Variants in MOXD1 observed in about 807,000 individuals in gnomAD.
MOXD1 encodes DBH-like monooxygenase protein 1.
Under a neutral mutation model 66.6 loss-of-function variants are expected in MOXD1, and 62 were observed. The observed-to-expected ratio is 0.93, with a 90% confidence interval of 0.76 to 1.15. The LOEUF (loss-of-function observed/expected upper bound fraction) is 1.15, where lower values mean the gene tolerates loss of function less well. MOXD1 is among the 50% of genes most tolerant of loss of function. MOXD1 has a pLI of 0.00. For synonymous variants in MOXD1, 303 were observed against 281.9 expected, an observed-to-expected ratio of 1.07 and a Z score of -0.75; for missense variants, 847 against 754.6, an observed-to-expected ratio of 1.12 and a Z score of -1.44.
chr6:132,324,582 A>T (rs1397928969), intron 6 of MOXD1, among the ~76,000 whole-genome samples: 1 of 152,238 alleles, frequency 6.6e-6, no homozygotes, highest in Non-Finnish European at 1.5e-5. Context: ...TTATTTCTTT[A>T]AAGTTTGTCA....
At position 132,352,735 on chromosome 6, in the gene MOXD1, A is replaced by T. The variant is rs141119840; in HGVS notation, c.663+19873T>A. ...TCTAGTGCTGTCAGTGGAGTATTGA[A>T]GTCCCTCATTATTATTGTGTTGCTG... is the stretch of plus-strand genomic sequence containing the variant. On this transcript the variant is annotated intron_variant, in intron 4 of 11. Transcript: ENST00000367963. Among the ~76,000 whole-genome samples, 1,180 of 152,224 alleles carry T rather than the reference A, an allele frequency of 7.8e-3. 16 individuals are homozygous for T. The highest frequency in any genetic ancestry group is 0.027 in the African/African-American group (1,129 of 41,534).
At chr6:132,349,517 A>C (rs1775760596) in intron 4 of MOXD1, among the ~76,000 whole-genome samples, 3 of 141,506 alleles carry the variant, frequency 2.1e-5, no homozygotes, top group Non-Finnish European at 3.0e-5. Flanking sequence ...TTATCCACTC[A>C]TTGATTGATG....
chr6:132,372,461 C>G, intron 4 of MOXD1, 147 bp downstream of exon 4: 1 of 677,846 alleles, frequency 1.5e-6, no homozygotes, highest in Non-Finnish European at 2.4e-6. Context: ...AAAAAGTATG[C>G]AGGTCAGCCA....
At chr6:132,365,562 C>G (rs1776104084) in intron 4 of MOXD1, among the ~76,000 whole-genome samples, 1 of 152,122 alleles carries the variant, frequency 6.6e-6, no homozygotes, top group African/African-American at 2.4e-5. Context: ...GAGGACCAGG[C>G]AAGGTTAAGT....
chr6:132,347,813 G>A (rs1041083880), intron 4 of MOXD1, among the ~76,000 whole-genome samples: 42 of 152,130 alleles, frequency 2.8e-4, no homozygotes, highest in African/African-American at 9.4e-4. Flanking sequence ...AAGAAATACA[G>A]TCTTTTATAA....
chr6:132,399,037 T>G (rs548905197), intron 1 of MOXD1, among the ~76,000 whole-genome samples: 1 of 152,066 alleles, frequency 6.6e-6, no homozygotes, highest in South Asian at 2.1e-4. Context: ...ATAAATAGTT[T>G]CTAGAGAGGA....
At chr6:132,378,595 A>G (rs889725640) in intron 1 of MOXD1, among the ~76,000 whole-genome samples, 3 of 152,246 alleles carry the variant, frequency 2.0e-5, no homozygotes, top group Admixed American at 2.0e-4. Context: ...TAGATCCTAC[A>G]GACACTAAAA....
Position 132,324,062 on chromosome 6 carries a change from T to C in MOXD1, c.982A>G (p.Thr328Ala), listed in dbSNP as rs775893523. ...GCATCATATTTCCTTATATCCATTG[T>C]GTAAAATAACCTCAGTCCAGAATTA... ...IDNSGLRLFY[T>A]MDIRKYDAGV... Residue 328 changes from threonine (T) to alanine (A), a missense_variant, in exon 7 of 12, where the codon ACA becomes GCA. Coordinates refer to ENST00000367963, the MANE Select transcript of MOXD1 (RefSeq NM_015529.4). 10 of 1,613,884 alleles carry C rather than the reference T, an allele frequency of 6.2e-6. No individual in the cohort carries two copies. The highest frequency in any genetic ancestry group is 8.5e-6 in the Non-Finnish European group (10 of 1,179,864).
chr6:132,396,370 G>A (rs1223471716), intron 1 of MOXD1, among the ~76,000 whole-genome samples: 1 of 151,806 alleles, frequency 6.6e-6, no homozygotes, highest in East Asian at 1.9e-4. Flanking sequence ...AACCTATAGG[G>A]TACAGTAAAA....
At chr6:132,311,061 A>G (rs1265466494) in intron 10 of MOXD1, among the ~76,000 whole-genome samples, 1 of 152,190 alleles carries the variant, frequency 6.6e-6, no homozygotes, top group Non-Finnish European at 1.5e-5. Flanking sequence ...TATTCAATTG[A>G]ACTTATGAAT....
At chr6:132,301,126 T>C (rs1774526007) in intron 10 of MOXD1, among the ~76,000 whole-genome samples, 1 of 151,718 alleles carries the variant, frequency 6.6e-6, no homozygotes, top group Admixed American at 6.6e-5. Context: ...GTTACAGAAA[T>C]AAAAAGTTAC....
At chr6:132,317,507 G>C (rs954892498) in intron 9 of MOXD1, among the ~76,000 whole-genome samples, 1 of 152,090 alleles carries the variant, frequency 6.6e-6, no homozygotes, top group African/African-American at 2.4e-5. Context: ...CTACTGTAGG[G>C]AGTAAAATTT....
intron 4 of MOXD1, among the ~76,000 whole-genome samples, chr6:132,345,358 A>G (rs1487575466): frequency 6.6e-6 from 1 of 152,134 alleles, no homozygotes; most frequent in East Asian, 1.9e-4. Context: ...GATTTTGTCT[A>G]TCTATATTAT....
chr6:132,377,747 A>G (rs1424868249), intron 1 of MOXD1, among the ~76,000 whole-genome samples: 1 of 152,268 alleles, frequency 6.6e-6, no homozygotes, highest in Non-Finnish European at 1.5e-5. Context: ...CATATCTTCA[A>G]CCTTACTGAA....
At chr6:132,399,452 T>A (rs973575532) in intron 1 of MOXD1, among the ~76,000 whole-genome samples, 1 of 152,210 alleles carries the variant, frequency 6.6e-6, no homozygotes, top group Non-Finnish European at 1.5e-5. Context: ...AAAATCAATC[T>A]AAAGAGTACT....
intron 4 of MOXD1, among the ~76,000 whole-genome samples, chr6:132,358,426 A>G (rs955480981): frequency 2.0e-5 from 3 of 152,210 alleles, no homozygotes; most frequent in Admixed American, 2.0e-4. Context: ...ATGACATTAC[A>G]TTTTTCTGAG....
Position 132,297,066 on chromosome 6 carries a change from T to C in MOXD1, c.*87A>G. 3 of 1,409,532 alleles carry C rather than the reference T, an allele frequency of 2.1e-6. No homozygotes were observed. The highest frequency in any genetic ancestry group is 2.9e-6 in the Non-Finnish European group (3 of 1,031,372). 87.3% of individuals were successfully genotyped at this position (1,409,532 alleles called of 1,614,324 possible). A position where few individuals can be genotyped will look rare whatever the true frequency, so the allele number is the denominator to read the frequency against. Reference sequence around the variant, plus strand: ...GGAAGAAAAGTCTCCACACTCTTCATGCCCAAAGTGGACACAGTCTTTAAC... The same window carrying C: ...GGAAGAAAAGTCTCCACACTCTTCACGCCCAAAGTGGACACAGTCTTTAAC... On this transcript the variant is annotated 3_prime_UTR_variant, in exon 12 of 12. Coordinates refer to ENST00000367963, the MANE Select transcript of MOXD1 (RefSeq NM_015529.4).
chr6:132,374,506 A>G (rs1776335087), intron 2 of MOXD1, 125 bp downstream of exon 2: 2 of 1,037,704 alleles, frequency 1.9e-6, no homozygotes, highest in Non-Finnish European at 2.5e-6. Flanking sequence ...ACTAAAAAAA[A>G]TCAAAAAAGA....
intron 4 of MOXD1, among the ~76,000 whole-genome samples, chr6:132,351,904 C>T (rs1775809528): frequency 6.6e-6 from 1 of 152,034 alleles, no homozygotes; most frequent in South Asian, 2.1e-4. Context: ...TCTAGGTTTT[C>T]TAGTTTATGT....
Sources: gnomAD v4.1 joint callset for allele counts (sites outside exome capture counted in the v4.1 genomes callset) on GRCh38, gnomAD v4.1.1 for gene constraint, MANE v1.5 for transcripts, NCBI Gene and HGNC (gene_info 2026-07-23, HGNC 2026-07-21) for gene names.